TOPBP1: variants seen among roughly 807,000 people sequenced by gnomAD.
TOPBP1 encodes the protein DNA topoisomerase 2-binding protein 1.
A neutral mutation model predicts 167.7 loss-of-function variants in TOPBP1; 28 were observed. The observed-to-expected ratio is 0.17, with a 90% CI of 0.12 to 0.23. TOPBP1 has a LOEUF of 0.23. TOPBP1 is among the 10% of genes least tolerant of loss of function. The pLI, the probability that TOPBP1 is intolerant of heterozygous loss-of-function variation, is 1.00. For synonymous variants in TOPBP1, 598 were observed against 611.4 expected (o/e 0.98, Z 0.32); for missense variants, 1,554 against 1,809.6 (o/e 0.86, Z 2.56).
chr3:133,638,225 C>A, intron 13 of TOPBP1, 63 bp from the exon 14 acceptor site: 1 of 1,457,608 alleles, frequency 6.9e-7, no homozygotes, highest in Non-Finnish European at 9.5e-7. Context: ...TCCCGGTACA[C>A]AAGAAGTAAT....
intron 20 of TOPBP1, among the ~76,000 whole-genome samples, chr3:133,618,756 T>C (rs1693611820): frequency 6.6e-6 from 1 of 152,114 alleles, no homozygotes; most frequent in East Asian, 1.9e-4. Flanking sequence ...CATTTAAAAA[T>C]GTGATTTTCC....
intron 27 of TOPBP1, among the ~76,000 whole-genome samples, chr3:133,603,050 G>A (rs558707406): frequency 1.3e-5 from 2 of 151,638 alleles, no homozygotes; most frequent in Non-Finnish European, 2.9e-5. Context: ...TGTGCGCCAC[G>A]ACACCCAGCT....
At chr3:133,651,132 G>A (rs1211822128) in intron 8 of TOPBP1, among the ~76,000 whole-genome samples, 1 of 107,458 alleles carries the variant, frequency 9.3e-6, no homozygotes, top group East Asian at 2.2e-4. Flanking sequence ...TTGTAAGTTG[G>A]CAAGTTTAAA....
chr3:133,621,777 G>A (rs993552233), intron 19 of TOPBP1, among the ~76,000 whole-genome samples: 1 of 152,176 alleles, frequency 6.6e-6, no homozygotes, highest in Non-Finnish European at 1.5e-5. Context: ...GTAAGTCATA[G>A]GGAAAGCTTT....
At chr3:133,658,992 G>A (rs1229479672) in intron 3 of TOPBP1, 24 bp downstream of exon 3, 2 of 1,573,584 alleles carry the variant, frequency 1.3e-6, no homozygotes. Context: ...GACTACCAAA[G>A]GTACACACTA....
intron 19 of TOPBP1, 79 bp from the exon 20 acceptor site, chr3:133,620,426 C>A: frequency 7.1e-7 from 1 of 1,412,192 alleles, no homozygotes; most frequent in Middle Eastern, 1.8e-4. Context: ...TTTGTTTAGA[C>A]CTGGTTGAAC....
Position 133,649,947 on chromosome 3 carries a change from C to A in TOPBP1, c.1090-4G>T. On this transcript the variant is annotated splice_region_variant and splice_polypyrimidine_tract_variant and intron_variant, in intron 8 of 27. Coordinates refer to ENST00000260810, the MANE Select transcript of TOPBP1 (RefSeq NM_007027.4). ...CACTAAAACCGCAAAGATATATCTG[C>A]AAGAAAGAAAATATTTAATATACAT... The A allele has an allele frequency of 6.4e-7, 1 of 1,559,096 alleles. No homozygotes were observed. Among genetic ancestry groups the A allele is most frequent in the Non-Finnish European group, 8.6e-7 (1 of 1,158,520 alleles).
chr3:133,612,571 G>A lies in TOPBP1; in HGVS notation c.3872-19C>T, dbSNP rs750806506. 10 of 1,596,654 alleles carry A rather than the reference G, an allele frequency of 6.3e-6. No individual in the cohort carries two copies. The highest frequency in any genetic ancestry group is 7.7e-6 in the Non-Finnish European group (9 of 1,169,980). Reference sequence around the variant, plus strand: ...AATCCACCTTAAGCAGAGAAAAATGGATTGTACTTTATTGATTCCCAACTT... The same window carrying A: ...AATCCACCTTAAGCAGAGAAAAATGAATTGTACTTTATTGATTCCCAACTT... On this transcript the variant is annotated intron_variant, in intron 23 of 27. Transcript: ENST00000260810.
At chr3:133,614,777 A>G (rs1036149438) in intron 23 of TOPBP1, among the ~76,000 whole-genome samples, 2 of 146,068 alleles carry the variant, frequency 1.4e-5, no homozygotes, top group Non-Finnish European at 3.0e-5. Flanking sequence ...AGTGTTTTGT[A>G]TGAGTAAAGT....
chr3:133,661,256 C>A, intron 1 of TOPBP1, 122 bp from the exon 2 acceptor site: 2 of 663,652 alleles, frequency 3.0e-6, no homozygotes, highest in South Asian at 5.2e-5. Context: ...TGGCTCTGCC[C>A]GTGAATTCGT....
In TOPBP1 at chr3:133,623,099, G is replaced by C; in HGVS notation, c.3170C>G (p.Ser1057Cys). ...AAAATAAAATATTTTACCTCCTTTA[G>C]AGTCATTCTTTCCACTTCCATTTGA... is the stretch of plus-strand genomic sequence containing the variant. ...APSNGSGKND[S>C]KGVLTQTLEM... The change falls in exon 19 of 28, where the codon TCT becomes TGT. Residue 1057 changes from serine (S) to cysteine (C), a missense_variant. Transcript: ENST00000260810. 6.2e-7 allele frequency: 1 copy of C among 1,600,474 alleles called. No homozygotes were observed. The highest frequency in any genetic ancestry group is 8.5e-7 in the Non-Finnish European group (1 of 1,170,976).
chr3:133,620,917 C>T (rs1431007389), intron 19 of TOPBP1, among the ~76,000 whole-genome samples: 1 of 152,040 alleles, frequency 6.6e-6, no homozygotes, highest in East Asian at 1.9e-4. Flanking sequence ...GATTATCCCT[C>T]TGTAAAGCTC....
intron 23 of TOPBP1, among the ~76,000 whole-genome samples, chr3:133,616,549 T>TA (rs1382202868): frequency 6.6e-6 from 1 of 152,216 alleles, no homozygotes; most frequent in Admixed American, 6.5e-5. Flanking sequence ...AAAGCTTCAT[T>TA]AGTGAATGAA....
intron 27 of TOPBP1, among the ~76,000 whole-genome samples, chr3:133,602,047 G>C (rs114946023): frequency 0.027 from 4,122 of 152,280 alleles, 103 homozygotes; most frequent in African/African-American, 0.068. Context: ...GAAGTAAACT[G>C]CCTGTTAAAC....
chr3:133,639,889 T>C (rs760754257), intron 13 of TOPBP1, 70 bp downstream of exon 13: 17 of 1,480,132 alleles, frequency 1.1e-5, no homozygotes, highest in Non-Finnish European at 1.5e-5. Context: ...AACACAAGCA[T>C]TGGCACATTT....
chr3:133,628,501 A>C (rs1425220119), intron 15 of TOPBP1, 30 bp from the exon 16 acceptor site: 1 of 1,605,648 alleles, frequency 6.2e-7, no homozygotes, highest in Non-Finnish European at 8.5e-7. Flanking sequence ...GAAACAGATC[A>C]GTCATTATTG....
intron 11 of TOPBP1, among the ~76,000 whole-genome samples, 180 bp downstream of exon 11, chr3:133,643,840 G>A (rs1388597879): frequency 1.3e-5 from 2 of 152,166 alleles, no homozygotes; most frequent in East Asian, 1.9e-4. Flanking sequence ...CTACTGTATC[G>A]GGATTAGGCC....
chr3:133,653,053 T>C (rs536364125), intron 7 of TOPBP1, among the ~76,000 whole-genome samples: 1 of 152,356 alleles, frequency 6.6e-6, no homozygotes, highest in East Asian at 1.9e-4. Flanking sequence ...ATGTAATGTT[T>C]AAAAGATTAA....
chr3:133,653,369 T>C lies in TOPBP1; in HGVS notation c.898A>G (p.Thr300Ala), dbSNP rs1158776856. 1 of 1,605,778 alleles carries C rather than the reference T, an allele frequency of 6.2e-7. No individual in the cohort carries two copies. Among genetic ancestry groups the C allele is most frequent in the Non-Finnish European group, 8.5e-7 (1 of 1,177,446 alleles). The stretch of plus-strand genomic sequence containing the variant: ...CTATCAATTGTGTTGATCTGGCTGG[T>C]AGGAGTTGAAGAATTGGGCATAGTC... Reference protein sequence around the residue: ...AKTMPNSSTPTSQINTIDSRT... With the variant: ...AKTMPNSSTPASQINTIDSRT... Residue 300 changes from threonine (T) to alanine (A), a missense_variant, in exon 7 of 28, where the codon ACC becomes GCC. Physicochemically the swap from Thr to Ala is moderately conservative, Grantham distance 58 (BLOSUM62 0). Transcript: ENST00000260810.
Sources: gnomAD v4.1 joint callset for allele counts (sites outside exome capture counted in the v4.1 genomes callset) on GRCh38, gnomAD v4.1.1 for gene constraint, MANE v1.5 for transcripts, NCBI Gene and HGNC (gene_info 2026-07-23, HGNC 2026-07-21) for gene names.